The following ZNF283 variants were observed in gnomAD, a reference collection of about 807,000 sequenced individuals.
ZNF283 encodes zinc finger protein 283.
ZNF283 carries 10 observed loss-of-function variants against 9.2 expected under a neutral mutation model. That is an observed-to-expected ratio of 1.09 (90% confidence interval 0.67 to 1.85). The LOEUF is 1.85. Among genes scored for constraint, ZNF283 ranks in the 40% most tolerant of loss-of-function variants. The probability of loss-of-function intolerance (pLI) is 0.00; values close to 1 mark genes in which losing one functional copy is unlikely to be tolerated. For synonymous variants in ZNF283, 234 were observed against 244.1 expected (o/e 0.96, Z 0.38); for missense variants, 631 against 760.1 (o/e 0.83, Z 2.00).
intron 6 of ZNF283, among the ~76,000 whole-genome samples, chr19:43,838,586 G>A (rs1277054974): frequency 6.6e-6 from 1 of 152,140 alleles, no homozygotes; most frequent in Non-Finnish European, 1.5e-5. Context: ...CTGAGATTGT[G>A]TCACCACACT....
rs1225157885 is a variant in ZNF283 at position 43,847,073 on chromosome 19, TG to T, written c.474del (p.Trp158Ter). The stretch of plus-strand genomic sequence containing the variant: ...TGAGGCATCCATCTTCAGAAATAAT[TG>T]GAAGTGCAAAAGCATATTCGAGGGA... ...GLEASIFRNN[W>X]KCKSIFEGLK... is the part of the protein sequence containing the mutation. On this transcript the variant is annotated frameshift_variant, in exon 7 of 7. Coordinates refer to ENST00000618787, the MANE Select transcript of ZNF283 (RefSeq NM_181845.2). LOFTEE classifies it low-confidence loss of function (END_TRUNC). The T allele has an allele frequency of 6.2e-7, 1 of 1,613,030 alleles. No individual in the cohort carries two copies. Among genetic ancestry groups the T allele is most frequent in the Non-Finnish European group, 8.5e-7 (1 of 1,179,430 alleles).
At chr19:43,840,594 A>G (rs1318337054) in intron 6 of ZNF283, 3 of 152,208 alleles carry the variant, frequency 2.0e-5, no homozygotes, top group African/African-American at 7.2e-5. Context: ...ACCTAAGAAT[A>G]GTAGCCTCTT....
chr19:43,838,694 A>ACTGGG (rs1971079636), intron 6 of ZNF283, among the ~76,000 whole-genome samples: 1 of 152,184 alleles, frequency 6.6e-6, no homozygotes, highest in Non-Finnish European at 1.5e-5. Context: ...CTTTCTAGTC[A>ACTGGG]ATGGGCTATA....
intron 2 of ZNF283, 142 bp from the exon 3 acceptor site, chr19:43,831,176 A>C (rs1970692135): frequency 1.9e-6 from 1 of 522,314 alleles, no homozygotes; most frequent in Admixed American, 3.7e-5. Context: ...TGTTACTTTA[A>C]TTGGTCATTC....
intron 6 of ZNF283, among the ~76,000 whole-genome samples, chr19:43,840,243 C>A (rs1971146398): frequency 1.3e-5 from 2 of 152,162 alleles, no homozygotes; most frequent in Non-Finnish European, 2.9e-5. Context: ...AAAAAAAGGT[C>A]CATTAGCCCT....
rs771599467 is a variant in ZNF283 at position 43,849,148 on chromosome 19, G to A, written c.*507G>A. ...TCCAAATGAGAAATCATTTGAATTA[G>A]AATTATAGGAAGGCCTTTAGACAAA... On this transcript the variant is annotated 3_prime_UTR_variant, in exon 7 of 7. Transcript: ENST00000618787. The A allele has an allele frequency of 6.6e-6, 1 of 152,304 alleles. No individual in the cohort carries two copies. The highest frequency in any genetic ancestry group is 1.5e-5 in the Non-Finnish European group (1 of 68,142). 9.4% of individuals were successfully genotyped at this position (152,304 alleles called of 1,614,324 possible). A position where few individuals can be genotyped will look rare whatever the true frequency, so the allele number is the denominator to read the frequency against.
At position 43,831,910 on chromosome 19, in the gene ZNF283, T is replaced by C. The variant is rs147937491; in HGVS notation, c.-1+529T>C. On this transcript the variant is annotated intron_variant, in intron 3 of 6. Transcript: ENST00000618787. ...TTCCAAAGTGCTGGAATTACAGGCG[T>C]GAGCCACCACACCCAGCACTTTGGA... 2.7e-3 allele frequency among the ~76,000 whole-genome samples: 414 copies of C among 152,340 alleles called. 5 individuals carry two copies. The highest frequency in any genetic ancestry group is 9.4e-3 in the African/African-American group (391 of 41,582).
At chr19:43,831,450 C>A in intron 3 of ZNF283, 69 bp downstream of exon 3, 1 of 1,249,392 alleles carries the variant, frequency 8.0e-7, no homozygotes, top group Non-Finnish European at 1.1e-6. Context: ...TTCTTAATGA[C>A]TGGAATATAT....
chr19:43,834,553 T>C (rs1055115442), intron 4 of ZNF283, among the ~76,000 whole-genome samples: 68 of 151,234 alleles, frequency 4.5e-4, no homozygotes, highest in African/African-American at 1.6e-3. Context: ...ATAAATGTTA[T>C]TAATATATAT....
chr19:43,831,911 G>T (rs1970726103), intron 3 of ZNF283, among the ~76,000 whole-genome samples: 1 of 152,124 alleles, frequency 6.6e-6, no homozygotes, highest in African/African-American at 2.4e-5. Context: ...TTACAGGCGT[G>T]AGCCACCACA....
chr19:43,841,568 G>A (rs1971213696), intron 6 of ZNF283: 1 of 151,940 alleles, frequency 6.6e-6, no homozygotes, highest in Non-Finnish European at 1.5e-5. Flanking sequence ...AAATAGCTGG[G>A]ATTACAGTCG....
rs1212358266 is a variant in ZNF283 at position 43,847,473 on chromosome 19, A to G, written c.872A>G (p.Tyr291Cys). ...HERIHTGEKP[Y>C]ECKECGKAFS... The stretch of plus-strand genomic sequence containing the variant: ...AGAATTCACACTGGTGAGAAACCCT[A>G]TGAATGTAAAGAATGTGGGAAGGCC... Residue 291 changes from tyrosine (Y) to cysteine (C), a missense_variant, in exon 7 of 7, where the codon TAT (tyrosine) becomes TGT (cysteine). By Grantham distance (194) the Tyr-to-Cys change is radical (BLOSUM62 -2). Transcript: ENST00000618787. The G allele has an allele frequency of 6.2e-7, 1 of 1,614,044 alleles. No homozygotes were observed. The highest frequency in any genetic ancestry group is 1.7e-5 in the Admixed American group (1 of 60,012).
At chr19:43,832,516 C>A (rs190933695) in intron 3 of ZNF283, among the ~76,000 whole-genome samples, 8 of 152,224 alleles carry the variant, frequency 5.3e-5, no homozygotes, top group Admixed American at 2.6e-4. Flanking sequence ...GGGTATTTTC[C>A]TCTATATGTT....
intron 3 of ZNF283, among the ~76,000 whole-genome samples, chr19:43,833,137 C>T (rs1012227367): frequency 3.3e-5 from 5 of 151,954 alleles, no homozygotes; most frequent in Admixed American, 1.3e-4. Context: ...TGTTCTCACC[C>T]GTCTTACTGA....
intron 2 of ZNF283, among the ~76,000 whole-genome samples, chr19:43,829,332 C>G (rs1970603485): frequency 6.6e-6 from 1 of 152,096 alleles, no homozygotes; most frequent in African/African-American, 2.4e-5. Flanking sequence ...TTGCAGTGAG[C>G]CAAGATTGCA....
chr19:43,834,981 T>G (rs1200869761), intron 4 of ZNF283, among the ~76,000 whole-genome samples: 1 of 152,208 alleles, frequency 6.6e-6, no homozygotes, highest in Non-Finnish European at 1.5e-5. Flanking sequence ...ATATATGTAT[T>G]TTATAAATGT....
At chr19:43,828,514 T>C (rs1325664003) in intron 2 of ZNF283, among the ~76,000 whole-genome samples, 1 of 151,800 alleles carries the variant, frequency 6.6e-6, no homozygotes, top group African/African-American at 2.4e-5. Context: ...TGCATTATGA[T>C]GCACTGAAGA....
At chr19:43,845,549 TC>T (rs1352454704) in intron 6 of ZNF283, among the ~76,000 whole-genome samples, 4 of 152,118 alleles carry the variant, frequency 2.6e-5, no homozygotes, top group African/African-American at 9.7e-5. Context: ...AAAATTCTGT[TC>T]TATTTAAAAA....
rs55882936 is a variant in ZNF283 at position 43,833,484 on chromosome 19, C to CTTTTTTTTT, written c.1-12_1-4dup. 7.9e-4 allele frequency: 109 copies of CTTTTTTTTT among 138,044 alleles called. 9 individuals are homozygous for CTTTTTTTTT. Among genetic ancestry groups the CTTTTTTTTT allele is most frequent in the African/African-American group, 2.3e-3 (57 of 25,022 alleles). The allele number at this position is 138,044 out of a possible 1,614,324, so 8.6% of individuals were successfully genotyped here. On this transcript the variant is annotated intron_variant, in intron 3 of 6. Transcript: ENST00000618787. ...GTGTTTCTTTCTTCTTTACCTATTT[C>CTTTTTTTTT]TTTTTTTTTTTTTTTTTCAGATGGA...
Sources: gnomAD v4.1 joint callset for allele counts (sites outside exome capture counted in the v4.1 genomes callset) on GRCh38, gnomAD v4.1.1 for gene constraint, MANE v1.5 for transcripts, NCBI Gene and HGNC (gene_info 2026-07-23, HGNC 2026-07-21) for gene names.